HS3ST4: variants seen among roughly 807,000 people sequenced by gnomAD.
HS3ST4 encodes the protein heparan sulfate glucosamine 3-O-sulfotransferase 4.
In HS3ST4, 17 loss-of-function variants were observed where a neutral mutation model predicts 29.2. That is an observed-to-expected ratio of 0.58 (90% CI 0.40 to 0.87). HS3ST4 has a LOEUF of 0.87. Ranked by LOEUF, HS3ST4 falls within the 40% of genes least tolerant of loss-of-function variation. The pLI is 0.00. For synonymous variants in HS3ST4, 314 were observed against 285.7 expected, an observed-to-expected ratio of 1.10 and a Z score of -1.00; for missense variants, 627 against 634.5, an observed-to-expected ratio of 0.99 and a Z score of 0.13.
chr16:25,775,447 C>A (rs1966846745), intron 1 of HS3ST4, among the ~76,000 whole-genome samples: 1 of 152,200 alleles, frequency 6.6e-6, no homozygotes, highest in Non-Finnish European at 1.5e-5. Context: ...TCGAGCATCT[C>A]ACCTAACCAC....
rs1306502805 is a variant in HS3ST4 at position 26,136,166 on chromosome 16, A to T, written c.1289A>T (p.Lys430Ile). ...CCAGATGTCATCCACAGACTGAGGA[A>T]ATTCTACAAACCCTTCAACTTGATG... ...IDPDVIHRLR[K>I]FYKPFNLMFY... is the part of the protein sequence containing the mutation. The change falls in exon 2 of 2, where the codon AAA (lysine) becomes ATA (isoleucine). Residue 430 changes from lysine (K) to isoleucine (I), a missense_variant. Transcript: ENST00000331351. The T allele has an allele frequency of 1.2e-6, 2 of 1,613,266 alleles. No homozygotes were observed. The highest frequency in any genetic ancestry group is 1.7e-6 in the Non-Finnish European group (2 of 1,179,666).
At chr16:25,754,004 A>G (rs1404888475) in intron 1 of HS3ST4, among the ~76,000 whole-genome samples, 1 of 152,206 alleles carries the variant, frequency 6.6e-6, no homozygotes, top group African/African-American at 2.4e-5. Flanking sequence ...GACAGCCAGA[A>G]TCGCTAACAA....
chr16:25,828,321 T>C (rs1387794416), intron 1 of HS3ST4, among the ~76,000 whole-genome samples: 1 of 136,042 alleles, frequency 7.4e-6, no homozygotes, highest in African/African-American at 2.8e-5. Flanking sequence ...TCTCTCTCTC[T>C]CTCTCTCTCT....
At chr16:25,972,518 G>A (rs1182237702) in intron 1 of HS3ST4, among the ~76,000 whole-genome samples, 2 of 152,178 alleles carry the variant, frequency 1.3e-5, no homozygotes, top group Non-Finnish European at 2.9e-5. Context: ...TTACTCCCAA[G>A]CTGTTGGCTG....
chr16:25,979,218 C>G (rs1159124735), intron 1 of HS3ST4, among the ~76,000 whole-genome samples: 1 of 152,122 alleles, frequency 6.6e-6, no homozygotes, highest in African/African-American at 2.4e-5. Flanking sequence ...CTCTTAAGCT[C>G]TTGATCTTGC....
chr16:25,804,381 T>C (rs1966969770), intron 1 of HS3ST4, among the ~76,000 whole-genome samples: 1 of 151,864 alleles, frequency 6.6e-6, no homozygotes, highest in Non-Finnish European at 1.5e-5. Flanking sequence ...ATTCAGCTCT[T>C]CACCACCTTT....
chr16:26,016,804 G>A (rs1044634393), intron 1 of HS3ST4, among the ~76,000 whole-genome samples: 4 of 152,174 alleles, frequency 2.6e-5, no homozygotes, highest in African/African-American at 4.8e-5. Flanking sequence ...TGATAGAAAT[G>A]TCTAGTGCTC....
chr16:25,976,816 C>G (rs991374583), intron 1 of HS3ST4, among the ~76,000 whole-genome samples: 1 of 152,198 alleles, frequency 6.6e-6, no homozygotes, highest in Non-Finnish European at 1.5e-5. Context: ...ACCATTCCAA[C>G]AACTCAACTC....
intron 1 of HS3ST4, among the ~76,000 whole-genome samples, chr16:25,869,838 C>T (rs1433729649): frequency 6.6e-6 from 1 of 152,126 alleles, no homozygotes; most frequent in Admixed American, 6.6e-5. Flanking sequence ...TTGTTTAGGT[C>T]TTAGAACACC....
intron 1 of HS3ST4, among the ~76,000 whole-genome samples, chr16:25,818,905 G>A (rs138027875): frequency 6.6e-5 from 10 of 152,082 alleles, no homozygotes; most frequent in African/African-American, 2.2e-4. Context: ...AGACAGAGAG[G>A]CTAGAGCTCA....
At chr16:25,983,030 T>C (rs976268270) in intron 1 of HS3ST4, among the ~76,000 whole-genome samples, 13 of 152,204 alleles carry the variant, frequency 8.5e-5, no homozygotes, top group Non-Finnish European at 1.8e-4. Context: ...CTCATGGAGC[T>C]TACATTCCTG....
At chr16:25,857,972 C>CTG (rs1221917032) in intron 1 of HS3ST4, among the ~76,000 whole-genome samples, 14 of 40,606 alleles carry the variant, frequency 3.4e-4, no homozygotes, top group African/African-American at 1.9e-3. Context: ...TTCTTTCTTT[C>CTG]TCTTTTCTGT....
At chr16:25,946,696 A>G (rs962749558) in intron 1 of HS3ST4, among the ~76,000 whole-genome samples, 1 of 152,222 alleles carries the variant, frequency 6.6e-6, no homozygotes, top group Non-Finnish European at 1.5e-5. Flanking sequence ...AATAAGTGAA[A>G]TGTAACAGAA....
At chr16:25,819,582 C>G (rs1038558191) in intron 1 of HS3ST4, among the ~76,000 whole-genome samples, 1 of 152,178 alleles carries the variant, frequency 6.6e-6, no homozygotes, top group Non-Finnish European at 1.5e-5. Context: ...TCAGTGATCA[C>G]TCACAGAACT....
At chr16:26,022,432 T>C (rs1220460653) in intron 1 of HS3ST4, among the ~76,000 whole-genome samples, 2 of 152,188 alleles carry the variant, frequency 1.3e-5, no homozygotes, top group Non-Finnish European at 2.9e-5. Context: ...GGGGACATAT[T>C]CATAATCCCA....
chr16:25,818,448 C>T (rs563326242), intron 1 of HS3ST4, among the ~76,000 whole-genome samples: 4 of 152,182 alleles, frequency 2.6e-5, no homozygotes, highest in Non-Finnish European at 5.9e-5. Context: ...GAGAAATAAA[C>T]TTCTGTTGTT....
intron 1 of HS3ST4, among the ~76,000 whole-genome samples, chr16:25,910,341 A>G (rs1387959932): frequency 6.6e-6 from 1 of 152,180 alleles, no homozygotes; most frequent in East Asian, 1.9e-4. Context: ...TGGAGTTTAT[A>G]TAATAAACAT....
chr16:25,912,563 C>T (rs1359822884), intron 1 of HS3ST4, among the ~76,000 whole-genome samples: 1 of 152,166 alleles, frequency 6.6e-6, no homozygotes, highest in African/African-American at 2.4e-5. Context: ...CGACTTCCTC[C>T]CCAGAACATC....
At chr16:25,998,539 G>A (rs1165264547) in intron 1 of HS3ST4, among the ~76,000 whole-genome samples, 4 of 152,096 alleles carry the variant, frequency 2.6e-5, no homozygotes, top group African/African-American at 9.7e-5. Flanking sequence ...TTTAGAATTA[G>A]CTCCATCATT....
Sources: allele counts gnomAD v4.1 joint callset (sites outside exome capture counted in the v4.1 genomes callset), GRCh38; gene constraint gnomAD v4.1.1; transcripts MANE v1.5; gene names NCBI Gene and HGNC (gene_info 2026-07-23, HGNC 2026-07-21).